The following ISOC1 variants were observed in gnomAD, a reference collection of about 807,000 sequenced individuals.
ISOC1 encodes the protein isochorismatase domain-containing protein 1.
Under a neutral mutation model 30.0 loss-of-function variants are expected in ISOC1, and 33 were observed. The observed-to-expected ratio is 1.10, with a 90% CI of 0.83 to 1.47. ISOC1 has a LOEUF of 1.47. Ranked by LOEUF, ISOC1 falls within the 40% of genes most tolerant of loss-of-function variation. The probability of loss-of-function intolerance (pLI) is 0.00; values close to 1 mark genes in which losing one functional copy is unlikely to be tolerated. For synonymous variants in ISOC1, 178 were observed against 159.8 expected (o/e 1.11, Z -0.86); for missense variants, 372 against 388.0 (o/e 0.96, Z 0.35).
In ISOC1 at chr5:129,106,944, A is replaced by G. The variant is rs780892184; in HGVS notation, c.634-2A>G. The G allele has an allele frequency of 3.7e-6, 6 of 1,607,836 alleles. No individual in the cohort carries two copies. The highest frequency in any genetic ancestry group is 2.2e-5 in the South Asian group (2 of 90,918). On this transcript the variant is annotated splice_acceptor_variant, in intron 3 of 4. Coordinates refer to ENST00000173527, the MANE Select transcript of ISOC1 (RefSeq NM_016048.2). LOFTEE classifies it high-confidence loss of function. ...CATATGATTCTTGTACTTTCCTACT[A>G]GACTCATGTGTGCATCCAACAAACT... is the stretch of plus-strand genomic sequence containing the variant.
intron 1 of ISOC1, among the ~76,000 whole-genome samples, chr5:129,102,950 T>G (rs959921809): frequency 6.6e-6 from 1 of 152,222 alleles, no homozygotes; most frequent in African/African-American, 2.4e-5. Context: ...GCTCTAAGCA[T>G]GTTAGTGAAT....
chr5:129,101,555 C>G (rs1260683996), intron 1 of ISOC1, among the ~76,000 whole-genome samples: 1 of 152,038 alleles, frequency 6.6e-6, no homozygotes, highest in Non-Finnish European at 1.5e-5. Context: ...TCTTGCAATC[C>G]TGGGCTTAAG....
intron 4 of ISOC1, among the ~76,000 whole-genome samples, chr5:129,109,582 G>A (rs1753679602): frequency 6.6e-6 from 1 of 152,134 alleles, no homozygotes; most frequent in Non-Finnish European, 1.5e-5. Flanking sequence ...GATTTGGAAG[G>A]GCCTGGAGCA....
chr5:129,095,794 C>T (rs955508085), intron 1 of ISOC1, among the ~76,000 whole-genome samples: 2 of 152,188 alleles, frequency 1.3e-5, no homozygotes, highest in African/African-American at 4.8e-5. Flanking sequence ...GAAAGTTGTT[C>T]TACCTGAGGA....
At chr5:129,106,696 A>G (rs906381945) in intron 3 of ISOC1, among the ~76,000 whole-genome samples, 1 of 152,226 alleles carries the variant, frequency 6.6e-6, no homozygotes, top group Non-Finnish European at 1.5e-5. Flanking sequence ...AACTCTAAGA[A>G]TATGTTTAAG....
At chr5:129,095,357 T>C (rs185747934) in intron 1 of ISOC1, among the ~76,000 whole-genome samples, 2 of 152,356 alleles carry the variant, frequency 1.3e-5, no homozygotes, top group Admixed American at 1.3e-4. Context: ...TGGTCCTCGG[T>C]CGCCCGCATC....
At chr5:129,101,298 C>A (rs1038723764) in intron 1 of ISOC1, among the ~76,000 whole-genome samples, 1 of 148,716 alleles carries the variant, frequency 6.7e-6, no homozygotes, top group Non-Finnish European at 1.5e-5. Flanking sequence ...GAATTCAAGA[C>A]CAGCCTGGGC....
At chr5:129,110,060 T>C (rs1753686009) in intron 4 of ISOC1, among the ~76,000 whole-genome samples, 1 of 152,204 alleles carries the variant, frequency 6.6e-6, no homozygotes, top group Non-Finnish European at 1.5e-5. Flanking sequence ...TAAAATCCTC[T>C]CTTGACCTTG....
chr5:129,109,805 TA>T (rs1397603026), intron 4 of ISOC1, among the ~76,000 whole-genome samples: 1 of 152,212 alleles, frequency 6.6e-6, no homozygotes, highest in Non-Finnish European at 1.5e-5. Flanking sequence ...AAAGTTAAAA[TA>T]CCATTGTGGT....
intron 1 of ISOC1, among the ~76,000 whole-genome samples, chr5:129,099,504 A>G (rs1417178111): frequency 6.6e-6 from 1 of 152,234 alleles, no homozygotes; most frequent in Non-Finnish European, 1.5e-5. Flanking sequence ...GCCTAAATTA[A>G]AAAGTCCCTG....
chr5:129,105,244 T>G lies in ISOC1; in HGVS notation c.489T>G (p.Gly163=). The stretch of plus-strand genomic sequence containing the variant: ...TTGTAACAGAACAATACCCTAAAGG[T>G]CTTGGGAGCACGGTTCAAGAAATTG... ...PVIVTEQYPK[G]LGSTVQEIDL... is the part of the protein sequence containing the mutation. The change falls in exon 3 of 5, where the codon GGT becomes GGG. Residue 163 remains glycine, a synonymous_variant. Transcript: ENST00000173527. 6.2e-7 allele frequency: 1 copy of G among 1,613,826 alleles called. No individual in the cohort carries two copies. Among genetic ancestry groups the G allele is most frequent in the Non-Finnish European group, 8.5e-7 (1 of 1,179,866 alleles).
intron 1 of ISOC1, among the ~76,000 whole-genome samples, chr5:129,095,968 A>G (rs894437833): frequency 6.6e-6 from 1 of 152,250 alleles, no homozygotes; most frequent in African/African-American, 2.4e-5. Context: ...TTTAGCTGAG[A>G]AACTGATAAG....
chr5:129,104,836 G>T, intron 1 of ISOC1, 120 bp from the exon 2 acceptor site: 2 of 878,944 alleles, frequency 2.3e-6, no homozygotes, highest in Admixed American at 2.9e-5. Context: ...GGATAATAGC[G>T]GTAGAAATTG....
chr5:129,109,324 A>G (rs59869508), intron 4 of ISOC1, among the ~76,000 whole-genome samples: 10,102 of 152,268 alleles, frequency 0.066, 655 homozygotes, highest in African/African-American at 0.17. Flanking sequence ...GTGAAATGGA[A>G]ATGATAATAG....
rs922531313 is a variant in ISOC1 at position 129,100,304 on chromosome 5, C to G, written c.310-4652C>G. ...TGAGTATGAAATCTAAGGTCAAATCCCAGCTATGACAATTCTTAAGAAAGT... is the reference window on the plus strand; with the variant it reads ...TGAGTATGAAATCTAAGGTCAAATCGCAGCTATGACAATTCTTAAGAAAGT... On this transcript the variant is annotated intron_variant, in intron 1 of 4. Transcript: ENST00000173527. 3.3e-5 allele frequency among the ~76,000 whole-genome samples: 5 copies of G among 152,152 alleles called. No individual in the cohort carries two copies. The East Asian group carries it at 9.6e-4, about 29-fold the overall frequency.
intron 1 of ISOC1, 55 bp from the exon 2 acceptor site, chr5:129,104,901 A>G: frequency 6.3e-7 from 1 of 1,579,848 alleles, no homozygotes; most frequent in South Asian, 1.1e-5. Flanking sequence ...CCTCCACTGA[A>G]AATAAATGTC....
chr5:129,105,137 A>G (rs911300887), intron 2 of ISOC1, 48 bp from the exon 3 acceptor site: 5 of 1,612,690 alleles, frequency 3.1e-6, no homozygotes, highest in Non-Finnish European at 4.2e-6. Context: ...ATATATACAC[A>G]TATATGTATA....
chr5:129,095,298 G>A (rs1050753404), intron 1 of ISOC1, among the ~76,000 whole-genome samples: 1 of 152,244 alleles, frequency 6.6e-6, no homozygotes, highest in Non-Finnish European at 1.5e-5. Flanking sequence ...CCCGGCGGGG[G>A]CGTGGGCCTC....
chr5:129,108,166 T>C (rs17163702), intron 4 of ISOC1, among the ~76,000 whole-genome samples: 8,345 of 152,206 alleles, frequency 0.055, 325 homozygotes, highest in African/African-American at 0.1. Context: ...GCCTTGTCTG[T>C]AGTAGGAATG....
Sources: allele counts gnomAD v4.1 joint callset (sites outside exome capture counted in the v4.1 genomes callset), GRCh38; gene constraint gnomAD v4.1.1; transcripts MANE v1.5; gene names NCBI Gene and HGNC (gene_info 2026-07-23, HGNC 2026-07-21).